Variants in PTPRT observed in about 807,000 individuals in gnomAD.
The protein encoded by PTPRT is receptor-type tyrosine-protein phosphatase T.
A neutral mutation model predicts 176.8 loss-of-function variants in PTPRT; 56 were observed. The ratio of observed to expected loss-of-function variants is 0.32; its 90% CI spans 0.26 to 0.40. The LOEUF (loss-of-function observed/expected upper bound fraction) is 0.40, where lower values mean the gene tolerates loss of function less well. Ranked by LOEUF, PTPRT falls within the 10% of genes least tolerant of loss-of-function variation. The probability of loss-of-function intolerance (pLI) is 1.00; values close to 1 mark genes in which losing one functional copy is unlikely to be tolerated. For synonymous variants in PTPRT, 783 were observed against 739.0 expected (o/e 1.06, Z -0.96); for missense variants, 1,540 against 1,908.2 (o/e 0.81, Z 3.60).
chr20:42,653,808 C>T (rs527562625), intron 7 of PTPRT, among the ~76,000 whole-genome samples: 3 of 152,242 alleles, frequency 2.0e-5, no homozygotes, highest in African/African-American at 7.2e-5. Context: ...GAAAACTAAC[C>T]CACAGTTTAT....
intron 2 of PTPRT, among the ~76,000 whole-genome samples, chr20:42,849,073 C>T (rs2078426963): frequency 6.6e-6 from 1 of 152,136 alleles, no homozygotes; most frequent in South Asian, 2.1e-4. Flanking sequence ...AATAGGGTGT[C>T]CTTTCCCCAC....
At chr20:43,010,471 G>A (rs117838861) in intron 1 of PTPRT, among the ~76,000 whole-genome samples, 1 of 152,238 alleles carries the variant, frequency 6.6e-6, no homozygotes, top group East Asian at 1.9e-4. Context: ...AGTGTCTACT[G>A]GATCAAATAG....
chr20:42,394,042 CTTTTT>C (rs200838113), intron 9 of PTPRT, among the ~76,000 whole-genome samples: 2 of 138,502 alleles, frequency 1.4e-5, no homozygotes, highest in African/African-American at 5.3e-5. Context: ...TGTGACAGGT[CTTTTT>C]TTTTTTTTTT....
intron 7 of PTPRT, among the ~76,000 whole-genome samples, chr20:42,677,420 T>C (rs1053138998): frequency 2.0e-5 from 3 of 151,686 alleles, no homozygotes; most frequent in African/African-American, 4.8e-5. Flanking sequence ...CCAGGAGCCC[T>C]CAGAGAAACA....
intron 15 of PTPRT, among the ~76,000 whole-genome samples, chr20:42,209,830 C>T (rs1335048235): frequency 3.3e-5 from 5 of 152,120 alleles, no homozygotes; most frequent in Non-Finnish European, 5.9e-5. Flanking sequence ...CAAAGCCTGG[C>T]AGAGACACAA....
At chr20:42,450,631 T>G (rs1161785243) in intron 8 of PTPRT, among the ~76,000 whole-genome samples, 5 of 92,128 alleles carry the variant, frequency 5.4e-5, no homozygotes, top group Non-Finnish European at 1.2e-4. Flanking sequence ...TTTTCGCCAG[T>G]TTTTTTGTTG....
chr20:42,778,479 A>C (rs556288111), intron 4 of PTPRT, among the ~76,000 whole-genome samples: 1 of 152,330 alleles, frequency 6.6e-6, no homozygotes, highest in East Asian at 1.9e-4. Flanking sequence ...CCAAGCATCC[A>C]GCACAAAGTA....
At chr20:42,981,676 C>T (rs1227935708) in intron 1 of PTPRT, among the ~76,000 whole-genome samples, 1 of 152,152 alleles carries the variant, frequency 6.6e-6, no homozygotes, top group African/African-American at 2.4e-5. Flanking sequence ...TGAGAGAACC[C>T]AGCAGAAACT....
chr20:42,745,188 A>G (rs897825201), intron 6 of PTPRT, among the ~76,000 whole-genome samples: 3 of 152,224 alleles, frequency 2.0e-5, no homozygotes, highest in Non-Finnish European at 2.9e-5. Context: ...CTGGGGCTCA[A>G]ATAAGTGGAA....
At chr20:42,481,956 C>T (rs752194640) in intron 7 of PTPRT, among the ~76,000 whole-genome samples, 10 of 152,120 alleles carry the variant, frequency 6.6e-5, no homozygotes, top group Admixed American at 2.6e-4. Flanking sequence ...CTCTTAATAC[C>T]GGTACTAGCT....
chr20:42,582,132 G>T lies in PTPRT; in HGVS notation c.1153+95734C>A, dbSNP rs2145727563. ...TCAGCGCAGCCCTCTTTCCCTCCTG[G>T]GTCCCAGTAGATGGATCTGAATCTG... On this transcript the variant is annotated intron_variant, in intron 7 of 30. Coordinates refer to ENST00000373187, the MANE Select transcript of PTPRT (RefSeq NM_007050.6). 1.3e-5 allele frequency among the ~76,000 whole-genome samples: 2 copies of T among 152,232 alleles called. 1 individual carries two copies. The highest frequency in any genetic ancestry group is 2.9e-5 in the Non-Finnish European group (2 of 68,012).
intron 6 of PTPRT, among the ~76,000 whole-genome samples, chr20:42,750,803 T>C (rs1271512814): frequency 1.3e-5 from 2 of 152,246 alleles, no homozygotes; most frequent in African/African-American, 2.4e-5. Flanking sequence ...CACCTTGAAA[T>C]TGAAGACACT....
In PTPRT at chr20:43,087,782, T is replaced by C. The variant is rs537669478; in HGVS notation, c.88+101864A>G. On this transcript the variant is annotated intron_variant, in intron 1 of 30. Coordinates refer to ENST00000373187, the MANE Select transcript of PTPRT (RefSeq NM_007050.6). ...TGGTTTTAAAAGCAAAGCTCTAACC[T>C]ATGAGCTTTTACTCCAGGACACAAA... Among the ~76,000 whole-genome samples, 6 of 152,276 alleles carry C rather than the reference T, an allele frequency of 3.9e-5. No individual in the cohort carries two copies. The East Asian group carries it at 1.2e-3, about 29-fold the overall frequency.
chr20:42,109,034 G>GAGATGAT (rs1986778230), intron 23 of PTPRT, among the ~76,000 whole-genome samples: 1 of 152,050 alleles, frequency 6.6e-6, no homozygotes, highest in African/African-American at 2.4e-5. Context: ...TGATTGCTAT[G>GAGATGAT]AGATATAAAG....
intron 1 of PTPRT, among the ~76,000 whole-genome samples, chr20:42,959,829 T>C (rs185043449): frequency 1.4e-3 from 210 of 152,108 alleles, no homozygotes; most frequent in Middle Eastern, 0.01. Context: ...CCTAAGTCCT[T>C]AGGGGGGAGT....
intron 4 of PTPRT, among the ~76,000 whole-genome samples, chr20:42,775,388 A>G (rs1251652140): frequency 2.0e-5 from 3 of 152,212 alleles, no homozygotes; most frequent in African/African-American, 4.8e-5. Flanking sequence ...ACGGCCCCAC[A>G]AGATTGTGAG....
At chr20:42,899,554 C>T (rs920763075) in intron 1 of PTPRT, among the ~76,000 whole-genome samples, 6 of 152,176 alleles carry the variant, frequency 3.9e-5, no homozygotes, top group South Asian at 2.1e-4. Context: ...TTATGCTTGA[C>T]GAGGCTGTTT....
chr20:42,570,608 T>C (rs2073137024), intron 7 of PTPRT, among the ~76,000 whole-genome samples: 1 of 152,162 alleles, frequency 6.6e-6, no homozygotes, highest in Non-Finnish European at 1.5e-5. Context: ...ATTCACATTA[T>C]TTGTCATCTT....
chr20:42,866,125 G>T (rs969403543), intron 2 of PTPRT, among the ~76,000 whole-genome samples: 1 of 152,116 alleles, frequency 6.6e-6, no homozygotes, highest in African/African-American at 2.4e-5. Context: ...AAATACCCTC[G>T]GTGATTCTGA....
Sources: gnomAD v4.1 joint callset for allele counts (sites outside exome capture counted in the v4.1 genomes callset) on GRCh38, gnomAD v4.1.1 for gene constraint, MANE v1.5 for transcripts, NCBI Gene and HGNC (gene_info 2026-07-23, HGNC 2026-07-21) for gene names.